LTBP1: variants seen among roughly 807,000 people sequenced by gnomAD.
LTBP1 encodes latent transforming growth factor beta binding protein 1.
Under a neutral mutation model 207.6 loss-of-function variants are expected in LTBP1, and 129 were observed. The observed-to-expected ratio is 0.62, with a 90% CI of 0.54 to 0.72. The LOEUF is 0.72. LTBP1 is among the 30% of genes least tolerant of loss of function. LTBP1 has a pLI of 0.00. For synonymous variants in LTBP1, 963 were observed against 833.7 expected, an observed-to-expected ratio of 1.16 and a Z score of -2.67; for missense variants, 2,281 against 2,217.2, an observed-to-expected ratio of 1.03 and a Z score of -0.58.
intron 3 of LTBP1, among the ~76,000 whole-genome samples, chr2:33,062,642 A>G (rs2077320680): frequency 1.3e-5 from 2 of 152,168 alleles, no homozygotes; most frequent in African/African-American, 4.8e-5. Flanking sequence ...GTTTCCAGCT[A>G]TTCTGTTGAT....
chr2:33,173,211 C>G (rs2148480168), intron 5 of LTBP1, among the ~76,000 whole-genome samples: 1 of 152,086 alleles, frequency 6.6e-6, no homozygotes, highest in South Asian at 2.1e-4. Context: ...TTAATGAATC[C>G]AGGAACTGGT....
intron 15 of LTBP1, among the ~76,000 whole-genome samples, chr2:33,271,829 C>T (rs77053662): frequency 0.029 from 4,403 of 152,078 alleles, 231 homozygotes; most frequent in African/African-American, 0.1. Context: ...ATATGCTGTG[C>T]TGTATGTATA....
In LTBP1 at chr2:33,275,814, CCTGAGGCCGGACGT is replaced by C; in HGVS notation, c.2887_2900del (p.Arg963TrpfsTer15). The C allele has an allele frequency of 6.2e-7, 1 of 1,614,012 alleles. No individual in the cohort carries two copies. Among genetic ancestry groups the C allele is most frequent in the African/African-American group, 1.3e-5 (1 of 75,064 alleles). ...TGCTCTTCGTAGATGTTGACGAATG[CCTGAGGCCGGACGT>C]CTGTGGGGAGGGGCACTGTGTCAAT... is the stretch of plus-strand genomic sequence containing the variant. On this transcript the variant is annotated frameshift_variant, in exon 18 of 34. Transcript: ENST00000404816. LOFTEE classifies it high-confidence loss of function.
intron 26 of LTBP1, among the ~76,000 whole-genome samples, chr2:33,358,395 A>G (rs1218536313): frequency 6.6e-6 from 1 of 151,846 alleles, no homozygotes; most frequent in East Asian, 1.9e-4. Context: ...ATTTGTCTAT[A>G]TATATGTGTG....
At chr2:33,157,904 A>T (rs1483856521) in intron 5 of LTBP1, among the ~76,000 whole-genome samples, 1 of 152,140 alleles carries the variant, frequency 6.6e-6, no homozygotes, top group African/African-American at 2.4e-5. Context: ...CACTTTGGGA[A>T]GCCAAGGCAT....
At chr2:33,093,877 A>T (rs1161817343) in intron 3 of LTBP1, among the ~76,000 whole-genome samples, 1 of 152,108 alleles carries the variant, frequency 6.6e-6, no homozygotes, top group Non-Finnish European at 1.5e-5. Context: ...CATGATAGCA[A>T]TATATTTTAG....
intron 19 of LTBP1, among the ~76,000 whole-genome samples, chr2:33,289,637 A>T (rs1328036218): frequency 2.0e-5 from 3 of 152,206 alleles, no homozygotes; most frequent in Non-Finnish European, 2.9e-5. Context: ...AGTTTCTAGG[A>T]TTATAGACAA....
At chr2:33,285,286 C>G (rs1352079984) in intron 19 of LTBP1, among the ~76,000 whole-genome samples, 1 of 151,556 alleles carries the variant, frequency 6.6e-6, no homozygotes, top group African/African-American at 2.4e-5. Context: ...AGGTGATCCA[C>G]CCATCTCAGT....
intron 25 of LTBP1, among the ~76,000 whole-genome samples, chr2:33,343,209 C>T (rs1398741961): frequency 6.6e-6 from 1 of 151,796 alleles, no homozygotes; most frequent in East Asian, 1.9e-4. Flanking sequence ...TGAGACCAGC[C>T]TGGGTAGCAT....
intron 24 of LTBP1, among the ~76,000 whole-genome samples, chr2:33,321,467 A>G (rs2094353451): frequency 6.6e-6 from 1 of 152,242 alleles, no homozygotes; most frequent in African/African-American, 2.4e-5. Flanking sequence ...AAGAAAGACA[A>G]CATTGCCAAA....
At chr2:33,327,123 C>T (rs1413627732) in intron 24 of LTBP1, among the ~76,000 whole-genome samples, 1 of 152,122 alleles carries the variant, frequency 6.6e-6, no homozygotes, top group East Asian at 1.9e-4. Flanking sequence ...GGAGCCCACT[C>T]TCAGTGGTTC....
intron 8 of LTBP1, among the ~76,000 whole-genome samples, chr2:33,218,076 G>C (rs1402788789): frequency 9.2e-5 from 14 of 152,126 alleles, no homozygotes. Flanking sequence ...TGTAGTTTTT[G>C]TTATATTATC....
intron 3 of LTBP1, among the ~76,000 whole-genome samples, chr2:33,079,387 C>G (rs1267006961): frequency 6.6e-6 from 1 of 152,162 alleles, no homozygotes; most frequent in Non-Finnish European, 1.5e-5. Flanking sequence ...TGCACTAAAA[C>G]AACACCAGCA....
At chr2:33,345,310 C>T (rs947771179) in intron 25 of LTBP1, among the ~76,000 whole-genome samples, 2 of 152,218 alleles carry the variant, frequency 1.3e-5, no homozygotes, top group East Asian at 1.9e-4. Flanking sequence ...TTCCCTAACT[C>T]GTCTGTAAGC....
At chr2:32,959,697 G>A in intron 2 of LTBP1, among the ~76,000 whole-genome samples, 1 of 142,118 alleles carries the variant, frequency 7.0e-6, no homozygotes, top group South Asian at 2.3e-4. Flanking sequence ...CTCAGCTCAC[G>A]GCAGCCTCCG....
At chr2:33,065,898 C>CT (rs1238159624) in intron 3 of LTBP1, among the ~76,000 whole-genome samples, 1 of 152,200 alleles carries the variant, frequency 6.6e-6, no homozygotes, top group African/African-American at 2.4e-5. Context: ...TATATTTTCA[C>CT]TTTCACTCTG....
At chr2:33,370,444 G>A (rs1439075596) in intron 31 of LTBP1, among the ~76,000 whole-genome samples, 1 of 152,100 alleles carries the variant, frequency 6.6e-6, no homozygotes, top group African/African-American at 2.4e-5. Context: ...GATGGGGCGG[G>A]GCGCGAGACA....
At chr2:33,090,478 C>T (rs965028878) in intron 3 of LTBP1, among the ~76,000 whole-genome samples, 1 of 152,158 alleles carries the variant, frequency 6.6e-6, no homozygotes, top group Non-Finnish European at 1.5e-5. Context: ...ATGACATTTA[C>T]TGAATGCCGA....
Position 33,110,661 on chromosome 2 carries a change from C to G in LTBP1, c.943C>G (p.Pro315Ala). 1.9e-6 allele frequency: 3 copies of G among 1,614,158 alleles called. No individual in the cohort carries two copies. The highest frequency in any genetic ancestry group is 2.5e-6 in the Non-Finnish European group (3 of 1,180,008). ...QEYVLKPKYF[P>A]AQKGISGEQS... The stretch of plus-strand genomic sequence containing the variant: ...ATACGTGCTCAAGCCCAAGTACTTT[C>G]CAGCCCAGAAGGGGATTTCAGGAGA... Residue 315 changes from proline to alanine, a missense_variant, in exon 4 of 34, where the codon CCA (proline) becomes GCA (alanine). This residue lies in a region of LTBP1 where 555 missense variants were observed against 491.0 expected (regional missense o/e 1.13). Transcript: ENST00000404816.
Sources: allele counts gnomAD v4.1 joint callset (sites outside exome capture counted in the v4.1 genomes callset), GRCh38; gene constraint gnomAD v4.1.1; regional missense constraint gnomAD v4.1.1; transcripts MANE v1.5; gene names NCBI Gene and HGNC (gene_info 2026-07-23, HGNC 2026-07-21).